Variants in PCDHA8 observed in about 807,000 individuals in gnomAD.
The protein encoded by PCDHA8 is protocadherin alpha-8.
PCDHA8 carries 53 observed loss-of-function variants against 61.8 expected under a neutral mutation model. The observed-to-expected ratio is 0.86, with a 90% CI of 0.69 to 1.08. The LOEUF is 1.08. Ranked by LOEUF, PCDHA8 falls within the 50% of genes least tolerant of loss-of-function variation. PCDHA8 has a pLI of 0.00. For synonymous variants in PCDHA8, 618 were observed against 556.6 expected, an observed-to-expected ratio of 1.11 and a Z score of -1.55; for missense variants, 1,293 against 1,245.0, an observed-to-expected ratio of 1.04 and a Z score of -0.58.
intron 1 of PCDHA8, chr5:140,968,527 G>T: frequency 3.1e-6 from 5 of 1,614,142 alleles, no homozygotes; most frequent in Non-Finnish European, 4.2e-6. Flanking sequence ...CAACCAACTC[G>T]TCAGCAGCCT....
At chr5:140,863,307 C>G in intron 1 of PCDHA8, 1 of 1,462,496 alleles carries the variant, frequency 6.8e-7, no homozygotes. Context: ...TCGCCATCTG[C>G]GTGGTGTCCA....
Position 140,928,898 on chromosome 5 carries a change from A to T in PCDHA8, c.2395-50051A>T, listed in dbSNP as rs782530169. ...CCTCAGTTACTTCCAGACTTTGAAGATGTCTGGGAACCAGGAGGGCAGCTT... is the reference window on the plus strand; with the variant it reads ...CCTCAGTTACTTCCAGACTTTGAAGTTGTCTGGGAACCAGGAGGGCAGCTT... On this transcript the variant is annotated intron_variant, in intron 1 of 3. Coordinates refer to ENST00000531613, the MANE Select transcript of PCDHA8 (RefSeq NM_018911.3). 77 of 1,614,004 alleles carry T rather than the reference A, an allele frequency of 4.8e-5. No individual in the cohort carries two copies. The African/African-American group carries it at 7.2e-4, about 15-fold the overall frequency.
chr5:140,917,338 G>GGGGGGGGGGGGGGGGGA (rs2078134893), intron 1 of PCDHA8, among the ~76,000 whole-genome samples: 1 of 137,894 alleles, frequency 7.3e-6, no homozygotes, highest in Non-Finnish European at 1.6e-5. Flanking sequence ...GGAGGGGGGG[G>GGGGGGGGGGGGGGGGGA]ATGGTGTAGG....
At chr5:140,998,754 C>T (rs2097832847) in intron 3 of PCDHA8, among the ~76,000 whole-genome samples, 1 of 152,056 alleles carries the variant, frequency 6.6e-6, no homozygotes, top group African/African-American at 2.4e-5. Context: ...AGAAGAGACA[C>T]AGTTTCACTA....
chr5:141,009,729 G>A lies in PCDHA8; in HGVS notation c.2645G>A (p.Gly882Asp). 6.2e-7 allele frequency: 1 copy of A among 1,614,168 alleles called. No homozygotes were observed. The highest frequency in any genetic ancestry group is 8.5e-7 in the Non-Finnish European group (1 of 1,180,028). The change falls in exon 4 of 4, where the codon GGT (glycine) becomes GAT (aspartate). Residue 882 changes from glycine to aspartate, a missense_variant. Physicochemically the swap from Gly to Asp is moderately conservative, Grantham distance 94. Transcript: ENST00000531613. ...GGCAACCCCAAACAATCCGGTCCCG[G>A]TGAGTTGCCCGACAAATTCATTATC... ...GPGNPKQSGP[G>D]ELPDKFIIPG...
At position 140,869,969 on chromosome 5, in the gene PCDHA8, G is replaced by A. The variant is rs147407508; in HGVS notation, c.2394+26254G>A. 57 of 1,613,134 alleles carry A rather than the reference G, an allele frequency of 3.5e-5. No individual in the cohort carries two copies. In the African/African-American group the frequency reaches 7.1e-4, roughly 20 times the overall value. On this transcript the variant is annotated intron_variant, in intron 1 of 3. Coordinates refer to ENST00000531613, the MANE Select transcript of PCDHA8 (RefSeq NM_018911.3). Reference sequence around the variant, plus strand: ...TTAATGTCAATTAAGCCCAATGGAAGACACTTATTTACACTAGATCAAAAT... The same window carrying A: ...TTAATGTCAATTAAGCCCAATGGAAAACACTTATTTACACTAGATCAAAAT...
At chr5:140,929,174 G>A (rs782544510) in intron 1 of PCDHA8, 2 of 1,614,140 alleles carry the variant, frequency 1.2e-6, no homozygotes, top group East Asian at 4.5e-5. Context: ...GCCTCTCTGG[G>A]ACTTGGTTCT....
chr5:140,916,579 T>C (rs1013124807), intron 1 of PCDHA8, among the ~76,000 whole-genome samples: 14 of 152,176 alleles, frequency 9.2e-5, no homozygotes, highest in Non-Finnish European at 1.6e-4. Context: ...AGAAATGTCA[T>C]CCATGAGCTA....
chr5:140,964,759 G>T (rs1419505922), intron 1 of PCDHA8, among the ~76,000 whole-genome samples: 6 of 151,804 alleles, frequency 4.0e-5, no homozygotes, highest in Non-Finnish European at 7.4e-5. Context: ...GATGTTTGGG[G>T]AGGATGCAGA....
At chr5:140,875,399 C>T (rs62622796) in intron 1 of PCDHA8, 40,992 of 1,482,866 alleles carry the variant, frequency 0.028, 731 homozygotes, top group Non-Finnish European at 0.032. Flanking sequence ...AAAAGGGTGA[C>T]TGCTCATAAA....
At chr5:140,986,458 A>G (rs1199378141) in intron 3 of PCDHA8, among the ~76,000 whole-genome samples, 1 of 152,166 alleles carries the variant, frequency 6.6e-6, no homozygotes, top group Admixed American at 6.5e-5. Flanking sequence ...GTTTTAATGA[A>G]TGCCCTCTTG....
At chr5:140,982,268 A>G (rs2096974621) in intron 2 of PCDHA8, 3 of 885,512 alleles carry the variant, frequency 3.4e-6, no homozygotes, top group South Asian at 2.2e-5. Flanking sequence ...TGTTCCTGGA[A>G]TAGTATAGCA....
intron 1 of PCDHA8, chr5:140,848,196 A>T: frequency 3.3e-6 from 1 of 307,634 alleles, no homozygotes. Context: ...CTTCTGTTTC[A>T]ACAATCATTA....
intron 1 of PCDHA8, chr5:140,929,398 A>G: frequency 6.6e-7 from 1 of 1,510,096 alleles, no homozygotes; most frequent in Non-Finnish European, 8.9e-7. Flanking sequence ...AATATTTCTT[A>G]GACAAGCCTT....
intron 1 of PCDHA8, chr5:140,968,393 C>T (rs747934843): frequency 1.8e-5 from 29 of 1,613,976 alleles, no homozygotes; most frequent in East Asian, 2.2e-5. Context: ...TGAGAAGTTT[C>T]GGGAGTTCTT....
intron 1 of PCDHA8, chr5:140,869,471 T>C (rs1554163114): frequency 6.2e-7 from 1 of 1,613,696 alleles, no homozygotes; most frequent in South Asian, 1.1e-5. Flanking sequence ...AACGTGGAGG[T>C]GAAGGACATT....
chr5:140,905,632 G>A lies in PCDHA8; in HGVS notation c.2394+61917G>A, dbSNP rs146826869. 9.9e-4 allele frequency among the ~76,000 whole-genome samples: 150 copies of A among 152,224 alleles called. 1 individual carries two copies. Among genetic ancestry groups the A allele is most frequent in the African/African-American group, 3.4e-3 (141 of 41,546 alleles). ...TCTATAGATTGCTTTTGACAGTATG[G>A]TCAGTTTCACAGTATTGATTCCTGT... On this transcript the variant is annotated intron_variant, in intron 1 of 3. Transcript: ENST00000531613.
At chr5:140,993,376 G>A (rs577656854) in intron 3 of PCDHA8, among the ~76,000 whole-genome samples, 6 of 151,752 alleles carry the variant, frequency 4.0e-5, no homozygotes, top group Non-Finnish European at 7.4e-5. Context: ...CCTCCCAGCC[G>A]GGTCCCTGAA....
At chr5:140,856,833 G>A (rs1554149194) in intron 1 of PCDHA8, 3 of 1,591,548 alleles carry the variant, frequency 1.9e-6, no homozygotes, top group African/African-American at 2.7e-5. Flanking sequence ...TTAGTAATAC[G>A]GCTCAACGCT....
Sources: gnomAD v4.1 joint callset for allele counts (sites outside exome capture counted in the v4.1 genomes callset) on GRCh38, gnomAD v4.1.1 for gene constraint, MANE v1.5 for transcripts, NCBI Gene and HGNC (gene_info 2026-07-23, HGNC 2026-07-21) for gene names.